Variants in RBFOX1 observed in about 807,000 individuals in gnomAD.
RBFOX1 encodes the protein RNA binding protein fox-1 homolog 1.
A neutral mutation model predicts 57.7 loss-of-function variants in RBFOX1; 8 were observed. That is an observed-to-expected ratio of 0.14 (90% CI 0.08 to 0.25). RBFOX1 has a LOEUF of 0.25. Ranked by LOEUF, RBFOX1 falls within the 10% of genes least tolerant of loss-of-function variation. RBFOX1 has a pLI of 1.00. For synonymous variants in RBFOX1, 326 were observed against 222.4 expected, an observed-to-expected ratio of 1.47 and a Z score of -4.15; for missense variants, 611 against 548.5, an observed-to-expected ratio of 1.11 and a Z score of -1.14.
chr16:5,975,518 T>C (rs1395336648), intron 4 of RBFOX1, among the ~76,000 whole-genome samples: 1 of 152,230 alleles, frequency 6.6e-6, no homozygotes, highest in East Asian at 1.9e-4. Flanking sequence ...TTTGAAACTT[T>C]AGGGTCCAGA....
chr16:6,857,291 C>T (rs1009179599), intron 3 of RBFOX1, among the ~76,000 whole-genome samples: 1 of 152,096 alleles, frequency 6.6e-6, no homozygotes, highest in African/African-American at 2.4e-5. Flanking sequence ...GGAAGAATCC[C>T]AAAGAAGAAG....
intron 1 of RBFOX1, among the ~76,000 whole-genome samples, chr16:5,243,209 C>G (rs570874720): frequency 2.3e-4 from 35 of 152,264 alleles, no homozygotes; most frequent in African/African-American, 8.2e-4. Flanking sequence ...GGTTATCAAC[C>G]TTAACCATTT....
At chr16:7,475,963 T>C (rs1357524423) in intron 4 of RBFOX1, among the ~76,000 whole-genome samples, 1 of 152,068 alleles carries the variant, frequency 6.6e-6, no homozygotes, top group Non-Finnish European at 1.5e-5. Flanking sequence ...CATTATTTTA[T>C]TTTATTTATT....
intron 3 of RBFOX1, among the ~76,000 whole-genome samples, chr16:6,954,534 A>G (rs1157220020): frequency 6.6e-6 from 1 of 152,196 alleles, no homozygotes; most frequent in Non-Finnish European, 1.5e-5. Context: ...GATAAAATAC[A>G]TGCCAACTGT....
intron 2 of RBFOX1, among the ~76,000 whole-genome samples, chr16:6,574,223 A>G (rs1171343727): frequency 6.6e-6 from 1 of 151,942 alleles, no homozygotes; most frequent in East Asian, 2.0e-4. Flanking sequence ...TCTTATCTGT[A>G]AAGTGGGCTC....
At chr16:5,280,775 A>C (rs1367807915) in intron 1 of RBFOX1, among the ~76,000 whole-genome samples, 1 of 150,944 alleles carries the variant, frequency 6.6e-6, no homozygotes, top group Non-Finnish European at 1.5e-5. Flanking sequence ...TAACAGTTGT[A>C]ACGTCTCCTT....
At chr16:7,610,344 C>T (rs1022499070) in intron 10 of RBFOX1, among the ~76,000 whole-genome samples, 1 of 151,484 alleles carries the variant, frequency 6.6e-6, no homozygotes, top group African/African-American at 2.4e-5. Context: ...TGGTCTTGAA[C>T]TTCTGACCTC....
At chr16:6,244,997 A>G (rs1598754595) in intron 1 of RBFOX1, among the ~76,000 whole-genome samples, 2 of 152,142 alleles carry the variant, frequency 1.3e-5, no homozygotes, top group East Asian at 3.9e-4. Flanking sequence ...ACAGTATGAT[A>G]TTTATTATAT....
chr16:7,049,763 G>T (rs142012019), intron 3 of RBFOX1, among the ~76,000 whole-genome samples: 1 of 152,112 alleles, frequency 6.6e-6, no homozygotes, highest in Non-Finnish European at 1.5e-5. Flanking sequence ...AGATTTCCTT[G>T]CTGCATTCAG....
At chr16:6,844,959 T>A (rs1158316160) in intron 3 of RBFOX1, among the ~76,000 whole-genome samples, 1 of 152,204 alleles carries the variant, frequency 6.6e-6, no homozygotes, top group Non-Finnish European at 1.5e-5. Flanking sequence ...TTTTCCTATG[T>A]TTGTTGGCCG....
chr16:6,421,166 C>A (rs959675916), intron 2 of RBFOX1, among the ~76,000 whole-genome samples: 9 of 152,118 alleles, frequency 5.9e-5, no homozygotes, highest in Admixed American at 2.0e-4. Flanking sequence ...CTTCTTGATC[C>A]AATTTCAGGA....
chr16:6,327,770 C>T (rs752446248), intron 2 of RBFOX1, among the ~76,000 whole-genome samples: 1 of 152,142 alleles, frequency 6.6e-6, no homozygotes, highest in Non-Finnish European at 1.5e-5. Context: ...CAGATTCAAG[C>T]CAGGAGCCTC....
intron 3 of RBFOX1, among the ~76,000 whole-genome samples, chr16:5,630,895 G>GT (rs1004305873): frequency 7.9e-5 from 12 of 152,132 alleles, no homozygotes; most frequent in East Asian, 7.7e-4. Flanking sequence ...GACCAAATAT[G>GT]TTTTTTTTAG....
At chr16:6,095,709 G>T (rs904183577) in intron 1 of RBFOX1, among the ~76,000 whole-genome samples, 2 of 130,474 alleles carry the variant, frequency 1.5e-5, no homozygotes, top group South Asian at 5.0e-4. Context: ...GAAAGAAAAA[G>T]AAAAAAAAAA....
chr16:7,373,928 G>C (rs2097631672), intron 4 of RBFOX1, among the ~76,000 whole-genome samples: 1 of 152,164 alleles, frequency 6.6e-6, no homozygotes, highest in African/African-American at 2.4e-5. Flanking sequence ...GCTCCTCGTA[G>C]CAGCCCTTTG....
At position 7,671,706 on chromosome 16, in the gene RBFOX1, G is replaced by C. The variant is rs187934414; in HGVS notation, c.931-5068G>C. The C allele has an allele frequency of 1.9e-4, 196 of 1,040,250 alleles. No individual in the cohort carries two copies. The East Asian group carries it at 4.0e-3, about 21-fold the overall frequency. The allele number at this position is 1,040,250 out of a possible 1,614,324, so 64.4% of individuals were successfully genotyped here. On this transcript the variant is annotated intron_variant, in intron 13 of 15. Transcript: ENST00000550418. ...GGGAGGGGAACAGTTCTCTAACATA[G>C]GAGGAAAGACTTAACTGAATTTTCC...
chr16:6,564,491 A>T (rs901026454), intron 2 of RBFOX1, among the ~76,000 whole-genome samples: 1 of 152,060 alleles, frequency 6.6e-6, no homozygotes, highest in South Asian at 2.1e-4. Flanking sequence ...AAAATAAACA[A>T]ACAAACACAT....
chr16:6,873,241 A>G (rs923765973), intron 3 of RBFOX1, among the ~76,000 whole-genome samples: 5 of 152,154 alleles, frequency 3.3e-5, no homozygotes, highest in African/African-American at 1.2e-4. Context: ...TAAACGTATG[A>G]AATGGATTTT....
rs561027510 is a variant in RBFOX1, at chr16:5,534,896, G to C, written c.259-64006G>C. Among the ~76,000 whole-genome samples the C allele has an allele frequency of 1.3e-3, 193 of 152,268 alleles. 2 individuals carry two copies. Among genetic ancestry groups the C allele is most frequent in the African/African-American group, 4.6e-3 (190 of 41,546 alleles). ...CACAAGAAAGATGCTACAGATATGG[G>C]TCGCCATATAAAATGACCAATTTTC... On this transcript the variant is annotated intron_variant, in intron 2 of 2. Transcript: ENST00000585867.
Sources: allele counts gnomAD v4.1 joint callset (sites outside exome capture counted in the v4.1 genomes callset), GRCh38; gene constraint gnomAD v4.1.1; transcripts MANE v1.5; gene names NCBI Gene and HGNC (gene_info 2026-07-23, HGNC 2026-07-21).